Variants in COBL observed in about 807,000 individuals in gnomAD.
COBL encodes cordon-bleu WH2 repeat protein, also known as protein cordon-bleu.
A neutral mutation model predicts 98.8 loss-of-function variants in COBL; 51 were observed. The ratio of observed to expected loss-of-function variants is 0.52; its 90% confidence interval spans 0.41 to 0.65. The LOEUF (loss-of-function observed/expected upper bound fraction) is 0.65, where lower values mean the gene tolerates loss of function less well. Among genes scored for constraint, COBL ranks in the 30% least tolerant of loss-of-function variants. The pLI, the probability that COBL is intolerant of heterozygous loss-of-function variation, is 0.00. For missense variants in COBL, 1,617 were observed against 1,617.5 expected (o/e 1.00, Z 0.01); for synonymous variants, 634 against 651.7 (o/e 0.97, Z 0.41).
chr7:51,222,152 G>A (rs1405744226), intron 1 of COBL, among the ~76,000 whole-genome samples: 4 of 152,122 alleles, frequency 2.6e-5, no homozygotes, highest in Non-Finnish European at 5.9e-5. Context: ...TCGCACCACT[G>A]CACCCCAGCC....
At chr7:51,029,708 T>A in intron 9 of COBL, 117 bp from the exon 10 acceptor site, 2 of 831,276 alleles carry the variant, frequency 2.4e-6, no homozygotes, top group Non-Finnish European at 3.6e-6. Flanking sequence ...TTATATACGT[T>A]TTAAAATGTT....
At chr7:51,035,599 A>G (rs1045895589) in intron 8 of COBL, 2 of 152,348 alleles carry the variant, frequency 1.3e-5, no homozygotes, top group African/African-American at 4.8e-5. Context: ...GGTGCCCAAT[A>G]TAACATGAGC....
intron 1 of COBL, among the ~76,000 whole-genome samples, chr7:51,274,282 A>C (rs140475546): frequency 6.6e-5 from 10 of 152,066 alleles, no homozygotes; most frequent in African/African-American, 2.4e-4. Context: ...CATGACCCTC[A>C]CTGCTCGCAG....
Position 51,208,454 on chromosome 7 carries a change from C to T in COBL, c.245+11287G>A, listed in dbSNP as rs549148374. 3.2e-3 allele frequency among the ~76,000 whole-genome samples: 483 copies of T among 148,996 alleles called. 4 individuals are homozygous for T. The highest frequency in any genetic ancestry group is 0.011 in the African/African-American group (462 of 40,982). On this transcript the variant is annotated intron_variant, in intron 2 of 12. Transcript: ENST00000265136. ...AGGGAGGTGGGGGGGGTCAGCCCCCCGCCCGGCCAGCCACCCCATCCGGGA... is the reference window on the plus strand; with the variant it reads ...AGGGAGGTGGGGGGGGTCAGCCCCCTGCCCGGCCAGCCACCCCATCCGGGA...
chr7:51,167,245 T>C (rs1787410856), intron 5 of COBL, among the ~76,000 whole-genome samples: 1 of 152,174 alleles, frequency 6.6e-6, no homozygotes, highest in African/African-American at 2.4e-5. Flanking sequence ...ATAAATTCAG[T>C]AATGTTGCAG....
At chr7:51,301,077 A>T (rs1801912800) in intron 1 of COBL, among the ~76,000 whole-genome samples, 1 of 152,092 alleles carries the variant, frequency 6.6e-6, no homozygotes, top group African/African-American at 2.4e-5. Context: ...GCACGCTGAG[A>T]TGAGGAGTGA....
chr7:51,120,377 A>G (rs1319667997), intron 6 of COBL, among the ~76,000 whole-genome samples: 2 of 152,196 alleles, frequency 1.3e-5, no homozygotes, highest in African/African-American at 4.8e-5. Context: ...CACGTAAGGC[A>G]TTTGGAGAAA....
chr7:51,199,413 A>G (rs1402376649), intron 2 of COBL, among the ~76,000 whole-genome samples: 1 of 152,186 alleles, frequency 6.6e-6, no homozygotes, highest in African/African-American at 2.4e-5. Context: ...CATGGACCAC[A>G]AAGCATTAGG....
chr7:51,249,325 ACCCT>A (rs1478973044), intron 1 of COBL, among the ~76,000 whole-genome samples: 3 of 152,192 alleles, frequency 2.0e-5, no homozygotes, highest in Non-Finnish European at 4.4e-5. Context: ...CTATTGCTTA[ACCCT>A]AAGCATGAAA....
intron 5 of COBL, among the ~76,000 whole-genome samples, chr7:51,152,141 C>T (rs1409680211): frequency 6.6e-6 from 1 of 152,138 alleles, no homozygotes; most frequent in Non-Finnish European, 1.5e-5. Context: ...GACTAATACT[C>T]CAAGACCAGA....
At chr7:51,174,077 T>C in intron 5 of COBL, among the ~76,000 whole-genome samples, 1 of 152,334 alleles carries the variant, frequency 6.6e-6, no homozygotes. Context: ...TTACAAATTA[T>C]TTTAAAAAAT....
At chr7:51,105,932 G>A (rs1796221343) in intron 6 of COBL, among the ~76,000 whole-genome samples, 1 of 151,904 alleles carries the variant, frequency 6.6e-6, no homozygotes, top group African/African-American at 2.4e-5. Context: ...CACCTTGCAA[G>A]GTTTGCCAAA....
intron 7 of COBL, among the ~76,000 whole-genome samples, chr7:51,056,079 T>G (rs1379216847): frequency 6.6e-6 from 1 of 152,094 alleles, no homozygotes; most frequent in East Asian, 1.9e-4. Flanking sequence ...GAAGTAGAGC[T>G]GAAATAATTA....
intron 1 of COBL, among the ~76,000 whole-genome samples, chr7:51,314,766 G>T (rs568331728): frequency 6.6e-6 from 1 of 152,302 alleles, no homozygotes; most frequent in Admixed American, 6.5e-5. Flanking sequence ...ATGAGTGAGG[G>T]AAAGAACTGA....
intron 1 of COBL, among the ~76,000 whole-genome samples, chr7:51,294,497 G>T (rs1002952773): frequency 6.6e-6 from 1 of 151,362 alleles, no homozygotes; most frequent in African/African-American, 2.4e-5. Context: ...AATAAAAGTA[G>T]CTGGGTGTGG....
At chr7:51,215,205 C>A (rs548708660) in intron 2 of COBL, among the ~76,000 whole-genome samples, 5 of 152,288 alleles carry the variant, frequency 3.3e-5, no homozygotes, top group African/African-American at 1.2e-4. Context: ...CTTCTGTGAA[C>A]GTTTAGGAAG....
intron 6 of COBL, among the ~76,000 whole-genome samples, chr7:51,118,175 T>G (rs1282480758): frequency 6.6e-6 from 1 of 152,194 alleles, no homozygotes; most frequent in Admixed American, 6.5e-5. Context: ...TTACATATAA[T>G]CTATTGACTA....
chr7:51,110,769 T>C (rs143487812), intron 6 of COBL, among the ~76,000 whole-genome samples: 5 of 152,338 alleles, frequency 3.3e-5, no homozygotes, highest in African/African-American at 1.2e-4. Flanking sequence ...CTCCCACATA[T>C]CAGTGAGAAC....
chr7:51,193,332 C>G, intron 3 of COBL, 47 bp downstream of exon 3: 1 of 1,560,632 alleles, frequency 6.4e-7, no homozygotes, highest in Non-Finnish European at 8.8e-7. Flanking sequence ...TACTCAGGAC[C>G]TGCCACACAT....
Sources: allele counts gnomAD v4.1 joint callset (sites outside exome capture counted in the v4.1 genomes callset), GRCh38; gene constraint gnomAD v4.1.1; transcripts MANE v1.5; gene names NCBI Gene and HGNC (gene_info 2026-07-23, HGNC 2026-07-21).